The following MS4A5 variants were observed in gnomAD, a reference collection of about 807,000 sequenced individuals.
MS4A5 encodes the protein membrane spanning 4-domains A5.
Under a neutral mutation model 18.2 loss-of-function variants are expected in MS4A5, and 15 were observed. That is an observed-to-expected ratio of 0.83 (90% confidence interval 0.55 to 1.27). The LOEUF (loss-of-function observed/expected upper bound fraction) is 1.27, where lower values mean the gene tolerates loss of function less well. Among genes scored for constraint, MS4A5 ranks in the 50% most tolerant of loss-of-function variants. MS4A5 has a pLI of 0.00. For synonymous variants in MS4A5, 89 were observed against 78.7 expected, an observed-to-expected ratio of 1.13 and a Z score of -0.69; for missense variants, 232 against 225.7, an observed-to-expected ratio of 1.03 and a Z score of -0.18.
At chr11:60,435,173 A>C (rs1351328685) in intron 4 of MS4A5, among the ~76,000 whole-genome samples, 1 of 152,192 alleles carries the variant, frequency 6.6e-6, no homozygotes, top group African/African-American at 2.4e-5. Flanking sequence ...TACCTGGCAG[A>C]AGCAAAACCG....
At chr11:60,447,307 G>GCTA (rs2086145589) in intron 4 of MS4A5, among the ~76,000 whole-genome samples, 3 of 139,642 alleles carry the variant, frequency 2.1e-5, no homozygotes, top group Admixed American at 7.0e-5. Flanking sequence ...ATCCTATGCT[G>GCTA]TGCTATGCTA....
chr11:60,445,035 C>T (rs1271917161), intron 4 of MS4A5, among the ~76,000 whole-genome samples: 1 of 151,436 alleles, frequency 6.6e-6, no homozygotes, highest in African/African-American at 2.4e-5. Context: ...AAAGAACAAC[C>T]TACTGACACA....
chr11:60,435,740 G>A (rs1170358935), intron 4 of MS4A5, among the ~76,000 whole-genome samples: 6 of 152,176 alleles, frequency 3.9e-5, no homozygotes, highest in Admixed American at 2.0e-4. Flanking sequence ...AAAAAACGGC[G>A]CACCACGAGA....
chr11:60,435,534 T>G, intron 4 of MS4A5: 1 of 375,560 alleles, frequency 2.7e-6, no homozygotes, highest in African/African-American at 2.1e-5. Context: ...TTCATCTCAC[T>G]AGGGAGTGCC....
intron 4 of MS4A5, among the ~76,000 whole-genome samples, chr11:60,439,491 G>C (rs1438122579): frequency 1.1e-5 from 1 of 93,652 alleles, no homozygotes; most frequent in Non-Finnish European, 2.2e-5. Context: ...AATTGTCCCT[G>C]TTTGCAGATG....
intron 1 of MS4A5, among the ~76,000 whole-genome samples, chr11:60,430,423 CAT>C (rs2086042033): frequency 6.6e-6 from 1 of 152,150 alleles, no homozygotes; most frequent in Admixed American, 6.5e-5. Context: ...GTTTCTCAGA[CAT>C]TCACATTTAT....
intron 4 of MS4A5, among the ~76,000 whole-genome samples, chr11:60,434,506 G>A (rs1258231643): frequency 6.6e-6 from 1 of 152,154 alleles, no homozygotes; most frequent in Non-Finnish European, 1.5e-5. Context: ...TTACAGCAGA[G>A]CCTAAGAAAT....
At chr11:60,440,118 G>A (rs1279852144) in intron 4 of MS4A5, among the ~76,000 whole-genome samples, 1 of 91,318 alleles carries the variant, frequency 1.1e-5, no homozygotes. Context: ...CAGAAATAAC[G>A]CCGCATATCT....
chr11:60,442,848 G>C (rs913722377), intron 4 of MS4A5, among the ~76,000 whole-genome samples: 2 of 152,098 alleles, frequency 1.3e-5, no homozygotes, highest in East Asian at 1.9e-4. Context: ...CTTCAAAAAT[G>C]AAAGTGAAAT....
chr11:60,429,912 G>A, intron 1 of MS4A5, 85 bp downstream of exon 1: 1 of 1,297,108 alleles, frequency 7.7e-7, no homozygotes, highest in Non-Finnish European at 1.1e-6. Flanking sequence ...TTTGAAGGTA[G>A]GAGCCTATTC....
chr11:60,433,075 A>G (rs1241165773), intron 3 of MS4A5, among the ~76,000 whole-genome samples: 1 of 152,182 alleles, frequency 6.6e-6, no homozygotes, highest in Non-Finnish European at 1.5e-5. Context: ...TTCCCAGCCA[A>G]TTAATGGTAG....
chr11:60,438,621 G>A (rs1285397038), intron 4 of MS4A5, among the ~76,000 whole-genome samples: 6 of 151,238 alleles, frequency 4.0e-5, no homozygotes, highest in Admixed American at 2.6e-4. Flanking sequence ...AAATACAAAC[G>A]ACCATCAGAG....
chr11:60,444,432 A>T (rs2086129074), intron 4 of MS4A5, among the ~76,000 whole-genome samples: 1 of 152,158 alleles, frequency 6.6e-6, no homozygotes, highest in Non-Finnish European at 1.5e-5. Flanking sequence ...TAGATAAAAC[A>T]TAAAAGGGAC....
At chr11:60,445,052 C>T (rs1409962700) in intron 4 of MS4A5, among the ~76,000 whole-genome samples, 15 of 151,592 alleles carry the variant, frequency 9.9e-5, no homozygotes, top group Admixed American at 9.8e-4. Context: ...CACAGAGGAG[C>T]ATGAATGAAT....
chr11:60,442,644 TAAAGTA>T (rs2086119450), intron 4 of MS4A5, among the ~76,000 whole-genome samples: 1 of 152,082 alleles, frequency 6.6e-6, no homozygotes, highest in African/African-American at 2.4e-5. Context: ...TCCCAGAACT[TAAAGTA>T]AAATAATAAT....
At chr11:60,447,238 T>C (rs938670989) in intron 4 of MS4A5, among the ~76,000 whole-genome samples, 3 of 151,786 alleles carry the variant, frequency 2.0e-5, no homozygotes, top group African/African-American at 7.3e-5. Context: ...TGCTATGCTA[T>C]GCTATCCTAT....
intron 4 of MS4A5, among the ~76,000 whole-genome samples, chr11:60,438,548 GA>G (rs2086093346): frequency 6.6e-6 from 1 of 152,110 alleles, no homozygotes; most frequent in African/African-American, 2.4e-5. Context: ...AAGAAAAAAA[GA>G]GAGAAGAATC....
intron 4 of MS4A5, among the ~76,000 whole-genome samples, chr11:60,444,483 C>G (rs1255862460): frequency 6.6e-6 from 1 of 152,048 alleles, no homozygotes; most frequent in Non-Finnish European, 1.5e-5. Flanking sequence ...ACTACCAAAG[C>G]ACAGAAAGGG....
intron 4 of MS4A5, among the ~76,000 whole-genome samples, chr11:60,438,569 C>T (rs932583783): frequency 9.9e-5 from 15 of 151,620 alleles, no homozygotes; most frequent in African/African-American, 3.2e-4. Flanking sequence ...CAAATAGACG[C>T]AATAAAAAAT....
Sources: allele counts gnomAD v4.1 joint callset (sites outside exome capture counted in the v4.1 genomes callset), GRCh38; gene constraint gnomAD v4.1.1; transcripts MANE v1.5; gene names NCBI Gene and HGNC (gene_info 2026-07-23, HGNC 2026-07-21).